The following ST7L variants were observed in gnomAD, a reference collection of about 807,000 sequenced individuals.
ST7L encodes the protein suppressor of tumorigenicity 7 protein-like.
Under a neutral mutation model 72.5 loss-of-function variants are expected in ST7L, and 57 were observed. The ratio of observed to expected loss-of-function variants is 0.79; its 90% confidence interval spans 0.64 to 0.98. The LOEUF (loss-of-function observed/expected upper bound fraction) is 0.98. ST7L is among the 50% of genes least tolerant of loss of function. The probability of loss-of-function intolerance (pLI) is 0.00; values close to 1 mark genes in which losing one functional copy is unlikely to be tolerated. For missense variants in ST7L, 576 were observed against 672.2 expected, an observed-to-expected ratio of 0.86 and a Z score of 1.58; for synonymous variants, 221 against 240.9, an observed-to-expected ratio of 0.92 and a Z score of 0.77.
At chr1:112,555,332 G>T (rs1486084094) in intron 12 of ST7L, among the ~76,000 whole-genome samples, 1 of 152,176 alleles carries the variant, frequency 6.6e-6, no homozygotes, top group Non-Finnish European at 1.5e-5. Flanking sequence ...TTGGGAGGCA[G>T]AGGTGGGCGG....
chr1:112,595,090 G>T (rs1666249037), intron 5 of ST7L, among the ~76,000 whole-genome samples: 2 of 152,112 alleles, frequency 1.3e-5, no homozygotes, highest in Admixed American at 1.3e-4. Context: ...GGTAAGCTGG[G>T]CGTGGTCGCT....
At chr1:112,612,570 T>C (rs1669242364) in intron 2 of ST7L, among the ~76,000 whole-genome samples, 1 of 152,116 alleles carries the variant, frequency 6.6e-6, no homozygotes, top group Admixed American at 6.6e-5. Flanking sequence ...GCTGACTACA[T>C]GCCACAACGT....
rs1250869908 is a variant in ST7L, at chr1:112,550,644, A to T, written c.1446T>A (p.Pro482=). The T allele has an allele frequency of 6.2e-7, 1 of 1,613,312 alleles. No individual in the cohort carries two copies. The highest frequency in any genetic ancestry group is 8.5e-7 in the Non-Finnish European group (1 of 1,179,598). ...YPLEKGHLFY[P]YPSCTETADR... is the part of the protein sequence containing the mutation. ...CAGCCGTCTCTGTGCAGCTGGGATAAGGGTAAAATAGATGTCCTTTCTCTA... is the reference window on the plus strand; with the variant it reads ...CAGCCGTCTCTGTGCAGCTGGGATATGGGTAAAATAGATGTCCTTTCTCTA... Residue 482 remains proline, a synonymous_variant, in exon 13 of 15, where the codon CCT becomes CCA. Coordinates refer to ENST00000358039, the MANE Select transcript of ST7L (RefSeq NM_017744.5).
chr1:112,576,184 G>A (rs915269990), intron 11 of ST7L, among the ~76,000 whole-genome samples: 5 of 151,956 alleles, frequency 3.3e-5, no homozygotes, highest in Non-Finnish European at 5.9e-5. Flanking sequence ...TCGACCTCCT[G>A]GACTCAAGCA....
intron 11 of ST7L, among the ~76,000 whole-genome samples, chr1:112,575,064 T>C (rs371385499): frequency 1.3e-5 from 2 of 151,912 alleles, no homozygotes; most frequent in Non-Finnish European, 2.9e-5. Flanking sequence ...TGGTGAAACC[T>C]CGTCTCTACT....
At chr1:112,573,086 T>C (rs1012393858) in intron 11 of ST7L, among the ~76,000 whole-genome samples, 1 of 151,992 alleles carries the variant, frequency 6.6e-6, no homozygotes, top group Non-Finnish European at 1.5e-5. Flanking sequence ...CAGTAGCTTA[T>C]GCCTGTAATC....
chr1:112,615,568 G>C (rs897829708), intron 2 of ST7L, among the ~76,000 whole-genome samples: 2 of 152,152 alleles, frequency 1.3e-5, no homozygotes, highest in Non-Finnish European at 2.9e-5. Flanking sequence ...CCAGCTACTA[G>C]GGAGGCTGAG....
intron 11 of ST7L, among the ~76,000 whole-genome samples, chr1:112,575,155 C>T (rs906513672): frequency 2.0e-5 from 3 of 152,162 alleles, no homozygotes; most frequent in Non-Finnish European, 2.9e-5. Context: ...AGAAGAATCG[C>T]TTGAACTCTG....
chr1:112,520,548 C>T (rs751641938), downstream of ST7L: 9 of 1,600,166 alleles, frequency 5.6e-6, no homozygotes, highest in South Asian at 3.3e-5. Flanking sequence ...ATTCAAGCCT[C>T]TCAACTCAAA....
rs114403783 is a variant in ST7L, at chr1:112,615,111, C to T, written c.288+1702G>A. On this transcript the variant is annotated intron_variant, in intron 2 of 14. Coordinates refer to ENST00000358039, the MANE Select transcript of ST7L (RefSeq NM_017744.5). ...CCCTCCAGGGTTCAAGTGATCCTCC[C>T]ACCTTGGCCTCTCCAGTAGCTGGGA... 9.1e-4 allele frequency among the ~76,000 whole-genome samples: 139 copies of T among 152,124 alleles called. 1 individual carries two copies. Among genetic ancestry groups the T allele is most frequent in the African/African-American group, 3.2e-3 (134 of 41,502 alleles).
intron 13 of ST7L, among the ~76,000 whole-genome samples, chr1:112,548,013 A>C (rs191231326): frequency 1.1e-4 from 17 of 152,298 alleles, no homozygotes; most frequent in Admixed American, 1.0e-3. Context: ...TGATTAATTC[A>C]ACCAATATTT....
At position 112,553,692 on chromosome 1, in the gene ST7L, T is replaced by C. The variant is rs576543337; in HGVS notation, c.1396+2176A>G. Among the ~76,000 whole-genome samples the C allele has an allele frequency of 8.5e-5, 13 of 152,334 alleles. No individual in the cohort carries two copies. In the South Asian group the frequency reaches 2.7e-3, roughly 32 times the overall value. On this transcript the variant is annotated intron_variant, in intron 12 of 14. Transcript: ENST00000358039. ...TTGGAATCACATTGGACACTACCATTCTCATTTCCTATATCACATTGATTT... is the reference window on the plus strand; with the variant it reads ...TTGGAATCACATTGGACACTACCATCCTCATTTCCTATATCACATTGATTT...
chr1:112,610,716 T>C, intron 3 of ST7L, 125 bp downstream of exon 3: 1 of 1,192,582 alleles, frequency 8.4e-7, no homozygotes, highest in Non-Finnish European at 1.2e-6. Context: ...ACATTGGTGA[T>C]TAGAATTTTG....
chr1:112,568,577 C>T (rs988051854), intron 11 of ST7L, among the ~76,000 whole-genome samples: 8 of 151,080 alleles, frequency 5.3e-5, no homozygotes, highest in Admixed American at 1.3e-4. Context: ...CCTTGTGATT[C>T]GCCCGCCTCA....
Position 112,582,203 on chromosome 1 carries a change from T to C in ST7L, c.955-97A>G, listed in dbSNP as rs989764991. 14 of 1,026,948 alleles carry C rather than the reference T, an allele frequency of 1.4e-5. No homozygotes were observed. In the Admixed American group the frequency reaches 2.2e-4, roughly 16 times the overall value. 63.6% of individuals were successfully genotyped at this position (1,026,948 alleles called of 1,614,324 possible). A position where few individuals can be genotyped will look rare whatever the true frequency, so the allele number is the denominator to read the frequency against. The stretch of plus-strand genomic sequence containing the variant: ...AAGTAGAAATTCTTGTTTCTTACCA[T>C]AGCTGTGAAGAAGACCTAACCCTTA... On this transcript the variant is annotated intron_variant, in intron 8 of 14. Coordinates refer to ENST00000358039, the MANE Select transcript of ST7L (RefSeq NM_017744.5).
intron 9 of ST7L, among the ~76,000 whole-genome samples, chr1:112,579,713 A>C (rs184023210): frequency 7.1e-4 from 108 of 152,326 alleles, no homozygotes; most frequent in Admixed American, 2.0e-3. Flanking sequence ...TCCCAGAATC[A>C]TACTAGCAAA....
In ST7L at chr1:112,599,074, ATATATATATATATATAT is replaced by A. The variant is rs748625037; in HGVS notation, c.507-1005_507-989del. Among the ~76,000 whole-genome samples, 41 of 40,274 alleles carry A rather than the reference ATATATATATATATATAT, an allele frequency of 1.0e-3. 3 individuals carry two copies. The South Asian group carries it at 0.024, about 24-fold the overall frequency. The allele number at this position is 40,274 out of a possible 152,430, so 26.4% of individuals were successfully genotyped here. ...GACTCAGCCTCAAAAAAAAAAAAAA[ATATATATATATATATAT>A]ATATATATATATATATATATGTGGA... On this transcript the variant is annotated intron_variant, in intron 4 of 14. Coordinates refer to ENST00000358039, the MANE Select transcript of ST7L (RefSeq NM_017744.5).
At chr1:112,602,772 A>G (rs11102512) in intron 3 of ST7L, among the ~76,000 whole-genome samples, 73,291 of 147,144 alleles carry the variant, frequency 0.5, 18,543 homozygotes, top group East Asian at 0.64. Flanking sequence ...CTGGAGTGCA[A>G]TGGTGCAATC....
chr1:112,547,562 T>C (rs1165781342), intron 13 of ST7L, among the ~76,000 whole-genome samples: 3 of 54,632 alleles, frequency 5.5e-5, no homozygotes, highest in Non-Finnish European at 1.1e-4. Context: ...CTTTGTCATC[T>C]TTTTTTTTTT....
Sources: allele counts gnomAD v4.1 joint callset (sites outside exome capture counted in the v4.1 genomes callset), GRCh38; gene constraint gnomAD v4.1.1; transcripts MANE v1.5; gene names NCBI Gene and HGNC (gene_info 2026-07-23, HGNC 2026-07-21).